RARB: variants seen among roughly 807,000 people sequenced by gnomAD.
RARB encodes the protein HBV-activated protein.
In RARB, 17 loss-of-function variants were observed where a neutral mutation model predicts 51.9. The observed-to-expected ratio is 0.33, with a 90% CI of 0.22 to 0.49. The LOEUF (loss-of-function observed/expected upper bound fraction) is 0.49, where lower values mean the gene tolerates loss of function less well. Ranked by LOEUF, RARB falls within the 20% of genes least tolerant of loss-of-function variation. The pLI is 0.99. For missense variants in RARB, 369 were observed against 550.8 expected (o/e 0.67, Z 3.30); for synonymous variants, 215 against 195.4 (o/e 1.10, Z -0.84).
At chr3:25,591,919 A>G (rs972327784) in intron 5 of RARB, among the ~76,000 whole-genome samples, 7 of 152,156 alleles carry the variant, frequency 4.6e-5, no homozygotes, top group Non-Finnish European at 8.8e-5. Flanking sequence ...ACCCAAAAGC[A>G]TGTGACCATT....
chr3:25,565,245 C>T (rs539575446), intron 3 of RARB, among the ~76,000 whole-genome samples: 41 of 152,304 alleles, frequency 2.7e-4, no homozygotes, highest in African/African-American at 7.7e-4. Flanking sequence ...GGGTACTCAC[C>T]TTCCTGTGCC....
intron 2 of RARB, among the ~76,000 whole-genome samples, chr3:24,986,070 C>G (rs770357390): frequency 1.2e-4 from 18 of 152,206 alleles, no homozygotes; most frequent in Non-Finnish European, 2.4e-4. Flanking sequence ...CGGGTAAAAT[C>G]ACCTAGAGTG....
chr3:25,551,136 G>A (rs1361779035), intron 3 of RARB, among the ~76,000 whole-genome samples: 1 of 152,098 alleles, frequency 6.6e-6, no homozygotes, highest in Admixed American at 6.5e-5. Flanking sequence ...TAGTTAGGAT[G>A]GGAAGGAGAG....
chr3:25,292,012 A>T (rs1703799231), intron 5 of RARB, among the ~76,000 whole-genome samples: 1 of 151,876 alleles, frequency 6.6e-6, no homozygotes, highest in Admixed American at 6.6e-5. Flanking sequence ...CGTTGTTTCT[A>T]ACATGTGAGA....
chr3:25,322,195 T>C (rs985722465), intron 5 of RARB, among the ~76,000 whole-genome samples: 4 of 127,720 alleles, frequency 3.1e-5, no homozygotes, highest in Non-Finnish European at 4.7e-5. Context: ...TGAAAACATA[T>C]ACTATTTAAT....
chr3:25,029,472 G>A (rs974568251), intron 2 of RARB, among the ~76,000 whole-genome samples: 2 of 152,154 alleles, frequency 1.3e-5, no homozygotes, highest in Non-Finnish European at 2.9e-5. Context: ...TGGTGACCTG[G>A]GAATAAATTC....
At chr3:25,226,089 G>A (rs1575234176) in intron 5 of RARB, among the ~76,000 whole-genome samples, 1 of 152,152 alleles carries the variant, frequency 6.6e-6, no homozygotes, top group Non-Finnish European at 1.5e-5. Context: ...AAAATTCAGT[G>A]TTACAGGATG....
chr3:25,005,517 C>A (rs942493232), intron 2 of RARB, among the ~76,000 whole-genome samples: 3 of 152,112 alleles, frequency 2.0e-5, no homozygotes, highest in African/African-American at 7.2e-5. Flanking sequence ...TCTCTAGAGG[C>A]CTGCATAAGT....
intron 5 of RARB, among the ~76,000 whole-genome samples, chr3:25,300,461 T>C (rs1425764604): frequency 2.0e-5 from 3 of 152,218 alleles, no homozygotes; most frequent in Non-Finnish European, 4.4e-5. Context: ...TGTCTACTTC[T>C]GATATCCTTT....
chr3:25,370,114 ATATG>A (rs1163092443), intron 5 of RARB, among the ~76,000 whole-genome samples: 3 of 152,166 alleles, frequency 2.0e-5, no homozygotes, highest in Admixed American at 6.5e-5. Flanking sequence ...ACACACATAG[ATATG>A]TAGGTATGAC....
intron 5 of RARB, among the ~76,000 whole-genome samples, chr3:25,332,544 T>C: frequency 6.6e-6 from 1 of 152,130 alleles, no homozygotes; most frequent in African/African-American, 2.4e-5. Flanking sequence ...TAAGAGCCAT[T>C]TATGACGAAC....
At chr3:25,112,768 A>G (rs1699624065) in intron 3 of RARB, among the ~76,000 whole-genome samples, 1 of 152,034 alleles carries the variant, frequency 6.6e-6, no homozygotes, top group Non-Finnish European at 1.5e-5. Flanking sequence ...ACAGAGTGAG[A>G]CCCTGTCTAA....
intron 2 of RARB, among the ~76,000 whole-genome samples, chr3:25,491,409 T>C (rs1262392430): frequency 6.6e-6 from 1 of 152,168 alleles, no homozygotes; most frequent in Non-Finnish European, 1.5e-5. Context: ...AAGGGGATCC[T>C]GTGGGAGAAT....
At chr3:24,863,493 T>G (rs973866997) in intron 2 of RARB, among the ~76,000 whole-genome samples, 1 of 152,114 alleles carries the variant, frequency 6.6e-6, no homozygotes, top group Non-Finnish European at 1.5e-5. Context: ...TGCCTGCCAG[T>G]TAAAATGAAC....
intron 2 of RARB, among the ~76,000 whole-genome samples, chr3:25,032,535 C>T (rs1575127481): frequency 6.6e-6 from 1 of 152,194 alleles, no homozygotes; most frequent in Non-Finnish European, 1.5e-5. Context: ...TCAGGCACTA[C>T]TGCATATTCA....
chr3:25,019,792 T>C (rs1446554904), intron 2 of RARB, among the ~76,000 whole-genome samples: 2 of 152,128 alleles, frequency 1.3e-5, no homozygotes, highest in Admixed American at 6.6e-5. Context: ...GCAGCACATT[T>C]TGGAAAGCAG....
At chr3:24,883,021 G>T (rs1703198744) in intron 2 of RARB, among the ~76,000 whole-genome samples, 1 of 152,114 alleles carries the variant, frequency 6.6e-6, no homozygotes. Flanking sequence ...ACTAAGGGGA[G>T]CTGAAGCTGA....
chr3:25,031,822 A>T (rs1416663323), intron 2 of RARB, among the ~76,000 whole-genome samples: 1 of 152,244 alleles, frequency 6.6e-6, no homozygotes, highest in Non-Finnish European at 1.5e-5. Context: ...TATCCCAACC[A>T]GTTACTCCAG....
At chr3:25,146,702 G>T (rs975485770) in intron 4 of RARB, among the ~76,000 whole-genome samples, 3 of 151,480 alleles carry the variant, frequency 2.0e-5, no homozygotes, top group African/African-American at 7.3e-5. Context: ...GTATTTTTTA[G>T]TAGAGACGGG....
Sources: allele counts gnomAD v4.1 joint callset (sites outside exome capture counted in the v4.1 genomes callset), GRCh38; gene constraint gnomAD v4.1.1; transcripts MANE v1.5; gene names NCBI Gene and HGNC (gene_info 2026-07-23, HGNC 2026-07-21).